IFT140: variants seen among roughly 807,000 people sequenced by gnomAD.
IFT140 encodes the protein intraflagellar transport protein 140 homolog.
A neutral mutation model predicts 164.6 loss-of-function variants in IFT140; 133 were observed. That is an observed-to-expected ratio of 0.81 (90% CI 0.70 to 0.93). IFT140 has a LOEUF of 0.93. Ranked by LOEUF, IFT140 falls within the 40% of genes least tolerant of loss-of-function variation. The pLI is 0.00. For missense variants in IFT140, 2,045 were observed against 1,972.3 expected (o/e 1.04, Z -0.70); for synonymous variants, 860 against 817.3 (o/e 1.05, Z -0.89).
Position 1,553,893 on chromosome 16 carries a change from T to G in IFT140, c.2399+4042A>C. 14 of 1,266,340 alleles carry G rather than the reference T, an allele frequency of 1.1e-5. No individual in the cohort carries two copies. Among genetic ancestry groups the G allele is most frequent in the Non-Finnish European group, 1.4e-5 (14 of 975,802 alleles). 78.4% of individuals were successfully genotyped at this position (1,266,340 alleles called of 1,614,324 possible). On this transcript the variant is annotated intron_variant, in intron 19 of 30. Transcript: ENST00000426508. The surrounding 1 kb of genome is among the most constrained non-coding windows in gnomAD (Gnocchi z 4.4). ...GACTCTAGTCACGAAACCCTGATTTTCCTGTTGTAAGAACTAAAAAGGTCT... is the reference window on the plus strand; with the variant it reads ...GACTCTAGTCACGAAACCCTGATTTGCCTGTTGTAAGAACTAAAAAGGTCT...
intron 12 of IFT140, 30 bp from the exon 13 acceptor site, chr16:1,580,880 G>A (rs377655640): frequency 4.7e-5 from 70 of 1,493,008 alleles, no homozygotes; most frequent in Middle Eastern, 1.7e-4. Flanking sequence ...TCAGGATGGC[G>A]GCCGCTCATC....
In IFT140 at chr16:1,563,991, G is replaced by A; in HGVS notation, c.2067+6C>T. On this transcript the variant is annotated splice_donor_region_variant and intron_variant, in intron 17 of 30. Transcript: ENST00000426508. ...TCTAAACTCAAATACAACAGGCAGA[G>A]CGTACCGCAGGGCCAGCGCGCCCAT... is the stretch of plus-strand genomic sequence containing the variant. The A allele has an allele frequency of 4.5e-6, 7 of 1,564,444 alleles. No individual in the cohort carries two copies. Among genetic ancestry groups the A allele is most frequent in the Non-Finnish European group, 5.2e-6 (6 of 1,146,644 alleles).
intron 8 of IFT140, 80 bp from the exon 9 acceptor site, chr16:1,587,384 C>A: frequency 1.2e-6 from 1 of 859,056 alleles, no homozygotes; most frequent in Non-Finnish European, 1.9e-6. Flanking sequence ...ACCTGTGGAG[C>A]AAACATTAAA....
intron 27 of IFT140, 65 bp downstream of exon 27, chr16:1,520,537 G>T: frequency 6.7e-7 from 1 of 1,483,944 alleles, no homozygotes; most frequent in South Asian, 1.3e-5. Flanking sequence ...ATGGAGATGC[G>T]TGCAGGGGGC....
At position 1,571,411 on chromosome 16, in the gene IFT140, G is replaced by A. The variant is rs1253188873; in HGVS notation, c.1648C>T (p.Arg550Ter). 9.9e-6 allele frequency: 16 copies of A among 1,609,166 alleles called. No individual in the cohort carries two copies. The highest frequency in any genetic ancestry group is 1.2e-5 in the Non-Finnish European group (14 of 1,178,744). ...CTATTTGGAAAAAAAATTTACCTTC[G>A]GGAAAGATCAAAGCTTTTAAAGTGA... Reference protein sequence around the residue: ...LAHFKSFDLSRREAKAHCSCR... With the variant: ...LAHFKSFDLS The change falls in exon 14 of 31, where the codon CGA (arginine) becomes TGA (stop). Residue 550 changes from arginine to a stop codon, truncating the protein, a stop_gained. Transcript: ENST00000426508. LOFTEE classifies it high-confidence loss of function.
At chr16:1,585,986 T>G in intron 10 of IFT140, 144 bp downstream of exon 10, 1 of 912,476 alleles carries the variant, frequency 1.1e-6, no homozygotes, top group Non-Finnish European at 1.8e-6. Flanking sequence ...TTAGCCAGGA[T>G]GGTCTCGATC....
In IFT140 at chr16:1,611,502, AAAAG is replaced by A. The variant is rs1315268554; in HGVS notation, c.-222+462_-222+465del. Among the ~76,000 whole-genome samples the A allele has an allele frequency of 4.0e-5, 6 of 148,646 alleles. No homozygotes were observed. In the East Asian group the frequency reaches 5.9e-4, roughly 15 times the overall value. The stretch of plus-strand genomic sequence containing the variant: ...CGACAGAGCGAGTCAAAAAAAAAAA[AAAAG>A]AAAAGAAAAAGAAACACTGGAATTT... On this transcript the variant is annotated intron_variant, in intron 1 of 30. Coordinates refer to ENST00000426508, the MANE Select transcript of IFT140 (RefSeq NM_014714.4).
intron 19 of IFT140, among the ~76,000 whole-genome samples, chr16:1,542,548 G>T (rs2031749900): frequency 6.6e-6 from 1 of 152,220 alleles, no homozygotes; most frequent in African/African-American, 2.4e-5. Context: ...GCCTAGGAAG[G>T]CCAAGGCATG....
Position 1,584,252 on chromosome 16 carries a change from T to C in IFT140, c.1324A>G (p.Thr442Ala), listed in dbSNP as rs1431536472. 1 of 1,613,812 alleles carries C rather than the reference T, an allele frequency of 6.2e-7. No individual in the cohort carries two copies. The highest frequency in any genetic ancestry group is 8.5e-7 in the Non-Finnish European group (1 of 1,179,998). Residue 442 changes from threonine to alanine, a missense_variant, in exon 11 of 31, where the codon ACC becomes GCC. By Grantham distance (58) the Thr-to-Ala change is moderately conservative. Coordinates refer to ENST00000426508, the MANE Select transcript of IFT140 (RefSeq NM_014714.4). ...AACACTCCACTGATGTGCATGTCGG[T>C]GCGCAGGCTGTGTGCGACCCCCGTG... ...LSTGVAHSLR[T>A]DMHISGVFAT...
intron 8 of IFT140, 24 bp downstream of exon 8, chr16:1,587,909 G>T: frequency 6.3e-7 from 1 of 1,576,472 alleles, no homozygotes; most frequent in South Asian, 1.1e-5. Flanking sequence ...CTCATCAAGG[G>T]GCACTGGAAA....
chr16:1,528,223 G>C (rs2029935746), intron 19 of IFT140, among the ~76,000 whole-genome samples: 1 of 152,146 alleles, frequency 6.6e-6, no homozygotes, highest in Non-Finnish European at 1.5e-5. Context: ...CACCGAGCAG[G>C]GACAGGCAGA....
intron 4 of IFT140, among the ~76,000 whole-genome samples, chr16:1,601,836 T>C (rs566746001): frequency 2.0e-5 from 3 of 152,368 alleles, no homozygotes; most frequent in African/African-American, 7.2e-5. Context: ...AACATGTGAA[T>C]GTGTTACCTG....
intron 6 of IFT140, among the ~76,000 whole-genome samples, chr16:1,591,926 A>G (rs567758383): frequency 1.6e-4 from 25 of 152,364 alleles, no homozygotes; most frequent in East Asian, 9.6e-4. Flanking sequence ...AAGCCTCCTC[A>G]TGAAAACCCT....
At chr16:1,573,115 C>T (rs980659587) in intron 13 of IFT140, among the ~76,000 whole-genome samples, 1 of 152,162 alleles carries the variant, frequency 6.6e-6, no homozygotes, top group African/African-American at 2.4e-5. Context: ...GGGTGAGGGA[C>T]GGATGGCTGG....
In IFT140 at chr16:1,526,068, C is replaced by T. The variant is rs753254776; in HGVS notation, c.2587G>A (p.Glu863Lys). ...ATQLGMLEDA[E>K]QLYRKCKRHD... is the part of the protein sequence containing the mutation. The stretch of plus-strand genomic sequence containing the variant: ...CGCTTGCACTTCCTGTACAGCTGCT[C>T]GGCGTCCTCCTGAGGAATGAGGATG... Residue 863 changes from glutamate to lysine, a missense_variant, in exon 21 of 31, where the codon GAG becomes AAG. By Grantham distance (56) the Glu-to-Lys change is moderately conservative (BLOSUM62 1). Transcript: ENST00000426508. The T allele has an allele frequency of 8.8e-6, 14 of 1,586,288 alleles. No individual in the cohort carries two copies. The highest frequency in any genetic ancestry group is 2.7e-5 in the African/African-American group (2 of 74,304).
chr16:1,534,674 CG>C, intron 19 of IFT140: 1 of 1,438,318 alleles, frequency 7.0e-7, no homozygotes, highest in Non-Finnish European at 9.5e-7. Context: ...CTGCCCTGAG[CG>C]TGGCCTCTGG....
chr16:1,565,233 G>A (rs1000912413), intron 16 of IFT140, among the ~76,000 whole-genome samples: 9 of 152,286 alleles, frequency 5.9e-5, no homozygotes, highest in East Asian at 3.9e-4. Context: ...GGAAGGGTTC[G>A]AGGAGCGGCC....
chr16:1,596,553 G>A (rs1473374317), intron 4 of IFT140, among the ~76,000 whole-genome samples: 3 of 152,314 alleles, frequency 2.0e-5, no homozygotes, highest in Non-Finnish European at 4.4e-5. Flanking sequence ...CCCAAAAGCA[G>A]AGATCTCTGC....
intron 30 of IFT140, among the ~76,000 whole-genome samples, chr16:1,513,570 C>G (rs1036612244): frequency 1.3e-5 from 2 of 152,172 alleles, no homozygotes; most frequent in African/African-American, 2.4e-5. Context: ...AGCCCTCCCC[C>G]TAATGACGAC....
Sources: allele counts gnomAD v4.1 joint callset (sites outside exome capture counted in the v4.1 genomes callset), GRCh38; gene constraint gnomAD v4.1.1; non-coding constraint Gnocchi (gnomAD v3.1); transcripts MANE v1.5; gene names NCBI Gene and HGNC (gene_info 2026-07-23, HGNC 2026-07-21).